The following APBA2 variants were observed in gnomAD, a reference collection of about 807,000 sequenced individuals.
The protein encoded by APBA2 is amyloid beta precursor protein binding family A member 2.
A neutral mutation model predicts 75.0 loss-of-function variants in APBA2; 30 were observed. The ratio of observed to expected loss-of-function variants is 0.40; its 90% CI spans 0.30 to 0.54. The LOEUF (loss-of-function observed/expected upper bound fraction) is 0.54, where lower values mean the gene tolerates loss of function less well. Ranked by LOEUF, APBA2 falls within the 20% of genes least tolerant of loss-of-function variation. The probability of loss-of-function intolerance (pLI) is 0.49; values close to 1 mark genes in which losing one functional copy is unlikely to be tolerated. For missense variants in APBA2, 801 were observed against 1,016.1 expected, an observed-to-expected ratio of 0.79 and a Z score of 2.88; for synonymous variants, 444 against 409.6, an observed-to-expected ratio of 1.08 and a Z score of -1.01.
chr15:29,089,317 C>T (rs1034823431), intron 6 of APBA2, among the ~76,000 whole-genome samples: 17 of 152,180 alleles, frequency 1.1e-4, no homozygotes, highest in African/African-American at 3.4e-4. Flanking sequence ...TGCTTCATGG[C>T]GTGGTTGAGG....
chr15:29,026,511 G>A (rs757953780), intron 3 of APBA2, among the ~76,000 whole-genome samples: 3 of 152,118 alleles, frequency 2.0e-5, no homozygotes, highest in African/African-American at 2.4e-5. Flanking sequence ...GTTGCAAATT[G>A]GTGGTTTCAC....
chr15:28,941,812 A>G (rs1282575663), intron 2 of APBA2, among the ~76,000 whole-genome samples: 1 of 152,256 alleles, frequency 6.6e-6, no homozygotes, highest in Non-Finnish European at 1.5e-5. Flanking sequence ...GCTGGAGCGC[A>G]GTGGCGCGAT....
At chr15:28,938,092 C>T (rs1423409578) in intron 2 of APBA2, among the ~76,000 whole-genome samples, 1 of 152,188 alleles carries the variant, frequency 6.6e-6, no homozygotes, top group Non-Finnish European at 1.5e-5. Context: ...CTGAGGTCAT[C>T]AGGGATTTGG....
chr15:28,989,657 T>A (rs1296540929), intron 2 of APBA2, among the ~76,000 whole-genome samples: 2 of 152,170 alleles, frequency 1.3e-5, no homozygotes, highest in African/African-American at 4.8e-5. Context: ...TTGGAAGGCA[T>A]CAGGCTCCTC....
intron 1 of APBA2, among the ~76,000 whole-genome samples, chr15:28,901,543 C>T (rs2032854098): frequency 6.6e-6 from 1 of 152,194 alleles, no homozygotes; most frequent in Non-Finnish European, 1.5e-5. Context: ...AGACGCATGA[C>T]TTCTCTGTGC....
At chr15:29,038,688 T>TTC (rs1460496988) in intron 3 of APBA2, among the ~76,000 whole-genome samples, 1 of 143,868 alleles carries the variant, frequency 7.0e-6, no homozygotes, top group Non-Finnish European at 1.5e-5. Context: ...TTTTTTTTTT[T>TTC]TCTGAGACGA....
Position 29,055,348 on chromosome 15 carries a change from T to C in APBA2, c.951+513T>C, listed in dbSNP as rs890597458. Among the ~76,000 whole-genome samples the C allele has an allele frequency of 2.8e-4, 42 of 152,348 alleles. 1 individual carries two copies. The highest frequency in any genetic ancestry group is 2.0e-3 in the Admixed American group (31 of 15,300). On this transcript the variant is annotated intron_variant, in intron 4 of 14. Coordinates refer to ENST00000683413, the MANE Select transcript of APBA2 (RefSeq NM_001353788.2). ...TGAAAGCCCGGGGGCCTTGGCCTGA[T>C]GGGCAATCAGCTGTGAATACCTATT...
chr15:28,937,661 CT>C (rs1351448498), intron 2 of APBA2, among the ~76,000 whole-genome samples: 1 of 150,260 alleles, frequency 6.7e-6, no homozygotes, highest in African/African-American at 2.5e-5. Context: ...TTTTTTTTTT[CT>C]TTTTTTTCTT....
chr15:28,946,557 T>C (rs1262632904), intron 2 of APBA2, among the ~76,000 whole-genome samples: 1 of 152,078 alleles, frequency 6.6e-6, no homozygotes, highest in African/African-American at 2.4e-5. Context: ...TGCGTGGGAT[T>C]CCTTTCTTTT....
At chr15:29,074,500 G>T (rs746941730) in intron 4 of APBA2, among the ~76,000 whole-genome samples, 1 of 152,130 alleles carries the variant, frequency 6.6e-6, no homozygotes, top group Non-Finnish European at 1.5e-5. Flanking sequence ...CTCAGGTTGG[G>T]GTTGGGGTTG....
At chr15:29,116,479 T>A (rs940059228) in intron 14 of APBA2, among the ~76,000 whole-genome samples, 4 of 151,764 alleles carry the variant, frequency 2.6e-5, no homozygotes, top group South Asian at 2.1e-4. Flanking sequence ...TACAAAAAAA[T>A]TCGCTGGGTG....
intron 4 of APBA2, among the ~76,000 whole-genome samples, chr15:29,067,492 A>C (rs1028741775): frequency 2.0e-5 from 3 of 152,144 alleles, no homozygotes; most frequent in Admixed American, 6.5e-5. Context: ...GAGTGGGAGT[A>C]GGGGAGCCTC....
At chr15:28,965,375 T>C (rs2036687399) in intron 2 of APBA2, among the ~76,000 whole-genome samples, 1 of 152,330 alleles carries the variant, frequency 6.6e-6, no homozygotes, top group Non-Finnish European at 1.5e-5. Context: ...TTGATTACTA[T>C]ATCTCTGTAG....
At chr15:29,014,453 G>A (rs953887510) in intron 3 of APBA2, among the ~76,000 whole-genome samples, 10 of 152,282 alleles carry the variant, frequency 6.6e-5, no homozygotes, top group African/African-American at 2.4e-4. Flanking sequence ...TTTTAGAACT[G>A]CACTGTCCAT....
intron 6 of APBA2, among the ~76,000 whole-genome samples, chr15:29,090,988 G>A (rs897446702): frequency 2.0e-5 from 3 of 152,138 alleles, no homozygotes; most frequent in African/African-American, 4.8e-5. Context: ...GAAGCGCCAG[G>A]GTATGGTGGG....
intron 4 of APBA2, among the ~76,000 whole-genome samples, chr15:29,063,091 T>G (rs56260107): frequency 9.6e-4 from 35 of 36,608 alleles, no homozygotes; most frequent in African/African-American, 1.7e-3. Context: ...GTATGGGTGG[T>G]GCGGGGAGTT....
At chr15:28,985,332 T>C (rs2152773966) in intron 2 of APBA2, among the ~76,000 whole-genome samples, 1 of 152,300 alleles carries the variant, frequency 6.6e-6, no homozygotes, top group South Asian at 2.1e-4. Context: ...TTTGCACTTT[T>C]TGTCTACCAG....
intron 2 of APBA2, among the ~76,000 whole-genome samples, chr15:28,950,831 C>A (rs2035828073): frequency 6.6e-6 from 1 of 152,164 alleles, no homozygotes; most frequent in African/African-American, 2.4e-5. Flanking sequence ...TTTATTCAAA[C>A]ATTTACATCA....
chr15:29,091,433 G>C (rs548576896), intron 6 of APBA2, among the ~76,000 whole-genome samples: 1 of 152,282 alleles, frequency 6.6e-6, no homozygotes, highest in South Asian at 2.1e-4. Context: ...GCAGGTGAGG[G>C]AGGGGCAGCC....
Sources: gnomAD v4.1 joint callset for allele counts (sites outside exome capture counted in the v4.1 genomes callset) on GRCh38, gnomAD v4.1.1 for gene constraint, MANE v1.5 for transcripts, NCBI Gene and HGNC (gene_info 2026-07-23, HGNC 2026-07-21) for gene names.